LUZP2: variants seen among roughly 807,000 people sequenced by gnomAD.
LUZP2 encodes the protein leucine zipper protein 2.
LUZP2 carries 52 observed loss-of-function variants against 51.6 expected under a neutral mutation model. That is an observed-to-expected ratio of 1.01 (90% CI 0.81 to 1.27). The LOEUF (loss-of-function observed/expected upper bound fraction) is 1.27. LUZP2 is among the 50% of genes most tolerant of loss of function. LUZP2 has a pLI of 0.00. For synonymous variants in LUZP2, 154 were observed against 137.3 expected, an observed-to-expected ratio of 1.12 and a Z score of -0.85; for missense variants, 436 against 395.4, an observed-to-expected ratio of 1.10 and a Z score of -0.87.
intron 5 of LUZP2, among the ~76,000 whole-genome samples, chr11:24,870,349 A>G (rs960686857): frequency 3.3e-5 from 5 of 152,090 alleles, no homozygotes; most frequent in Non-Finnish European, 5.9e-5. Flanking sequence ...AGCAGCTTCA[A>G]TGTAATCCTA....
At chr11:24,846,919 A>G (rs1055332185) in intron 5 of LUZP2, among the ~76,000 whole-genome samples, 1 of 147,940 alleles carries the variant, frequency 6.8e-6, no homozygotes, top group African/African-American at 2.7e-5. Flanking sequence ...GTATATACAC[A>G]TACATATATG....
rs558451634 is a variant in LUZP2 at position 25,071,500 on chromosome 11, A to G, written c.859-5829A>G. ...GTTTACATTTAAATGTAAGTGCTTC[A>G]TTGATCATAAACTTATCAATGAAGC... On this transcript the variant is annotated intron_variant, in intron 10 of 11. Transcript: ENST00000336930. 2.4e-4 allele frequency among the ~76,000 whole-genome samples: 37 copies of G among 152,176 alleles called. No homozygotes were observed. The South Asian group carries it at 6.6e-3, about 27-fold the overall frequency.
At chr11:24,548,209 CA>C (rs1851618598) in intron 1 of LUZP2, among the ~76,000 whole-genome samples, 1 of 152,020 alleles carries the variant, frequency 6.6e-6, no homozygotes, top group Admixed American at 6.6e-5. Flanking sequence ...AATATATCCC[CA>C]GAGGATTATA....
intron 1 of LUZP2, among the ~76,000 whole-genome samples, chr11:24,684,109 C>A (rs1423702809): frequency 6.6e-6 from 1 of 152,056 alleles, no homozygotes; most frequent in African/African-American, 2.4e-5. Context: ...ATCTTCAAAA[C>A]TTCTCTTTAT....
Position 24,826,439 on chromosome 11 carries a change from C to T in LUZP2, c.396+63131C>T, listed in dbSNP as rs1170668206. Among the ~76,000 whole-genome samples the T allele has an allele frequency of 2.6e-5, 4 of 151,490 alleles. No individual in the cohort carries two copies. The South Asian group carries it at 8.3e-4, about 31-fold the overall frequency. On this transcript the variant is annotated intron_variant, in intron 5 of 11. Coordinates refer to ENST00000336930, the MANE Select transcript of LUZP2 (RefSeq NM_001009909.4). The stretch of plus-strand genomic sequence containing the variant: ...TTTATCAAATGTCATACAGAAGACA[C>T]ACACTATGTCGAGCCTTCCTCAGAG...
At chr11:24,882,729 T>C (rs1852511834) in intron 5 of LUZP2, among the ~76,000 whole-genome samples, 1 of 151,378 alleles carries the variant, frequency 6.6e-6, no homozygotes, top group South Asian at 2.1e-4. Context: ...TTATAATCCA[T>C]CCATGTCTTC....
chr11:24,773,880 C>T (rs542997886), intron 5 of LUZP2, among the ~76,000 whole-genome samples: 1 of 152,216 alleles, frequency 6.6e-6, no homozygotes, highest in South Asian at 2.1e-4. Flanking sequence ...TGCCCGAGGA[C>T]CCTAACCACA....
intron 1 of LUZP2, among the ~76,000 whole-genome samples, chr11:24,511,327 G>A (rs1850303630): frequency 1.3e-5 from 2 of 152,060 alleles, no homozygotes; most frequent in South Asian, 2.1e-4. Context: ...TTGGTGACAA[G>A]AAATATCATT....
intron 5 of LUZP2, among the ~76,000 whole-genome samples, chr11:24,812,136 G>A (rs1442032187): frequency 6.6e-6 from 1 of 152,124 alleles, no homozygotes; most frequent in Admixed American, 6.6e-5. Context: ...TATGGCATTT[G>A]ATGGTAGAAA....
At chr11:24,649,475 A>G (rs1474258977) in intron 1 of LUZP2, among the ~76,000 whole-genome samples, 2 of 151,956 alleles carry the variant, frequency 1.3e-5, no homozygotes, top group Non-Finnish European at 2.9e-5. Flanking sequence ...AATTGGTCAG[A>G]TGTGTAGGAC....
At chr11:24,541,949 G>C (rs181065659) in intron 1 of LUZP2, among the ~76,000 whole-genome samples, 1 of 151,644 alleles carries the variant, frequency 6.6e-6, no homozygotes, top group Non-Finnish European at 1.5e-5. Context: ...ATAATAGGAA[G>C]TTCTGTTATT....
chr11:25,008,812 G>C (rs923681859), intron 9 of LUZP2, among the ~76,000 whole-genome samples: 1 of 152,112 alleles, frequency 6.6e-6, no homozygotes, highest in Non-Finnish European at 1.5e-5. Flanking sequence ...ACTGAGTCCA[G>C]GGTATATATG....
At position 24,848,916 on chromosome 11, in the gene LUZP2, G is replaced by A. The variant is rs547385344; in HGVS notation, c.397-57075G>A. On this transcript the variant is annotated intron_variant, in intron 5 of 11. Transcript: ENST00000336930. ...CATAGGAGCATACCTCAAAAACTAG[G>A]CACAGAAAGAGCATACCTCAAAATA... 6.6e-5 allele frequency among the ~76,000 whole-genome samples: 10 copies of A among 152,024 alleles called. No individual in the cohort carries two copies. In the South Asian group the frequency reaches 1.2e-3, roughly 19 times the overall value.
chr11:24,764,704 C>T (rs563716680), intron 5 of LUZP2, among the ~76,000 whole-genome samples: 2 of 151,758 alleles, frequency 1.3e-5, no homozygotes, highest in Non-Finnish European at 2.9e-5. Context: ...AGAACAACAA[C>T]AAAAACCTAC....
intron 7 of LUZP2, among the ~76,000 whole-genome samples, chr11:24,945,205 T>C (rs1397401608): frequency 6.6e-6 from 1 of 152,158 alleles, no homozygotes; most frequent in African/African-American, 2.4e-5. Flanking sequence ...CTGCTCCTCC[T>C]GCTGTTTTCA....
chr11:24,602,238 A>ACATACG (rs1853736036), intron 1 of LUZP2, among the ~76,000 whole-genome samples: 1 of 19,642 alleles, frequency 5.1e-5, no homozygotes, highest in African/African-American at 6.8e-5. Context: ...ATATATGTGT[A>ACATACG]TATATGTATA....
At chr11:24,569,850 T>C (rs546047748) in intron 1 of LUZP2, among the ~76,000 whole-genome samples, 130 of 148,386 alleles carry the variant, frequency 8.8e-4, no homozygotes, top group Non-Finnish European at 9.7e-4. Flanking sequence ...TAATCACTTT[T>C]TTAAAAAAAT....
intron 5 of LUZP2, among the ~76,000 whole-genome samples, chr11:24,774,266 C>T (rs1026196081): frequency 2.1e-5 from 3 of 144,084 alleles, no homozygotes; most frequent in Non-Finnish European, 3.0e-5. Flanking sequence ...TGCTCCTCAG[C>T]CTGTGCAGAT....
rs563084610 is a variant in LUZP2 at position 24,830,782 on chromosome 11, C to G, written c.396+67474C>G. ...GGCCGAGGCGGGCGGATCATGAGGT[C>G]AGGAGATCGAGACCATCCTGGCTAA... On this transcript the variant is annotated intron_variant, in intron 5 of 11. Transcript: ENST00000336930. Among the ~76,000 whole-genome samples the G allele has an allele frequency of 5.0e-3, 765 of 151,978 alleles. 3 individuals carry two copies. The highest frequency in any genetic ancestry group is 9.0e-3 in the Non-Finnish European group (615 of 67,976).
Sources: allele counts gnomAD v4.1 joint callset (sites outside exome capture counted in the v4.1 genomes callset), GRCh38; gene constraint gnomAD v4.1.1; transcripts MANE v1.5; gene names NCBI Gene and HGNC (gene_info 2026-07-23, HGNC 2026-07-21).